PRKCB: variants seen among roughly 807,000 people sequenced by gnomAD.
The protein encoded by PRKCB is protein kinase C beta.
In PRKCB, 13 loss-of-function variants were observed where a neutral mutation model predicts 81.5. The ratio of observed to expected loss-of-function variants is 0.16; its 90% confidence interval spans 0.10 to 0.25. The LOEUF (loss-of-function observed/expected upper bound fraction) is 0.25, where lower values mean the gene tolerates loss of function less well. Among genes scored for constraint, PRKCB ranks in the 10% least tolerant of loss-of-function variants. The pLI, the probability that PRKCB is intolerant of heterozygous loss-of-function variation, is 1.00. For synonymous variants in PRKCB, 335 were observed against 321.4 expected, an observed-to-expected ratio of 1.04 and a Z score of -0.45; for missense variants, 509 against 875.7, an observed-to-expected ratio of 0.58 and a Z score of 5.29.
chr16:24,082,140 T>G (rs1000076987), intron 5 of PRKCB, among the ~76,000 whole-genome samples: 21 of 152,146 alleles, frequency 1.4e-4, no homozygotes, highest in African/African-American at 5.1e-4. Flanking sequence ...AGGAAATATT[T>G]AGGTATAAAT....
chr16:24,144,504 T>C (rs1966959375), intron 9 of PRKCB, among the ~76,000 whole-genome samples: 1 of 152,220 alleles, frequency 6.6e-6, no homozygotes, highest in Admixed American at 6.5e-5. Flanking sequence ...TTTCACCATG[T>C]TGGCCAGGCT....
intron 3 of PRKCB, among the ~76,000 whole-genome samples, chr16:23,990,495 T>C (rs908881106): frequency 2.7e-5 from 4 of 149,620 alleles, no homozygotes; most frequent in African/African-American, 5.0e-5. Flanking sequence ...TTTTTTTTTT[T>C]CTTTTTTTTT....
chr16:24,093,138 A>C (rs890180397), intron 6 of PRKCB, among the ~76,000 whole-genome samples, 191 bp downstream of exon 6: 1 of 152,164 alleles, frequency 6.6e-6, no homozygotes, highest in African/African-American at 2.4e-5. Context: ...TTGTGAGCCA[A>C]GAAAAAAAAT....
At position 24,219,101 on chromosome 16, in the gene PRKCB, T is replaced by C. The variant is rs1465159355; in HGVS notation, c.*4285T>C. 1 of 985,312 alleles carries C rather than the reference T, an allele frequency of 1.0e-6. No homozygotes were observed. The highest frequency in any genetic ancestry group is 1.7e-5 in the African/African-American group (1 of 57,232). The allele number at this position is 985,312 out of a possible 1,614,324, so 61.0% of individuals were successfully genotyped here. On this transcript the variant is annotated 3_prime_UTR_variant, in exon 17 of 17. Coordinates refer to ENST00000643927, the MANE Select transcript of PRKCB (RefSeq NM_002738.7). ...GAGGTCGGAGCATCATACAGATTCC[T>C]TTATTAGCCCACATTCTGATGTTCC...
At chr16:24,131,401 G>A (rs1966853195) in intron 9 of PRKCB, among the ~76,000 whole-genome samples, 2 of 152,222 alleles carry the variant, frequency 1.3e-5, no homozygotes, top group Non-Finnish European at 2.9e-5. Flanking sequence ...GGGTCTGGTG[G>A]TGGCCCCTTC....
intron 2 of PRKCB, among the ~76,000 whole-genome samples, chr16:23,862,485 G>T (rs1962686257): frequency 1.3e-5 from 2 of 152,218 alleles, no homozygotes; most frequent in Admixed American, 1.3e-4. Context: ...TTAGCTGACA[G>T]CAGCTTGCGT....
At chr16:24,187,470 C>T (rs147476566) in intron 15 of PRKCB, among the ~76,000 whole-genome samples, 151 of 152,288 alleles carry the variant, frequency 9.9e-4, no homozygotes, top group African/African-American at 3.5e-3. Flanking sequence ...GGCTGGCACT[C>T]TGCTCCAAGC....
intron 2 of PRKCB, among the ~76,000 whole-genome samples, chr16:23,864,926 A>G (rs935515688): frequency 6.6e-6 from 1 of 151,908 alleles, no homozygotes; most frequent in Non-Finnish European, 1.5e-5. Context: ...GGTTGTTTCC[A>G]TCTTTATGCC....
In PRKCB at chr16:24,124,000, G is replaced by C. The variant is rs777457442; in HGVS notation, c.1065+19G>C. The C allele has an allele frequency of 6.2e-7, 1 of 1,613,444 alleles. No homozygotes were observed. Among genetic ancestry groups the C allele is most frequent in the Non-Finnish European group, 8.5e-7 (1 of 1,179,614 alleles). Reference sequence around the variant, plus strand: ...TGGCAAGGTATGGTATGATTTGGTGGCTCCACCTGCTTTGGAAGGAACATC... The same window carrying C: ...TGGCAAGGTATGGTATGATTTGGTGCCTCCACCTGCTTTGGAAGGAACATC... On this transcript the variant is annotated intron_variant, in intron 9 of 16. Coordinates refer to ENST00000643927, the MANE Select transcript of PRKCB (RefSeq NM_002738.7).
intron 16 of PRKCB, among the ~76,000 whole-genome samples, chr16:24,204,193 A>T (rs566336751): frequency 1.1e-4 from 16 of 152,114 alleles, no homozygotes; most frequent in Non-Finnish European, 2.1e-4. Context: ...GCCACACCCT[A>T]CAAGAAACTT....
intron 16 of PRKCB, among the ~76,000 whole-genome samples, chr16:24,194,172 C>CA (rs1463301277): frequency 6.6e-6 from 1 of 151,936 alleles, no homozygotes; most frequent in Non-Finnish European, 1.5e-5. Context: ...ACTAAAAATA[C>CA]AAAAATTAGC....
chr16:23,836,937 C>G (rs1962172593), intron 1 of PRKCB, among the ~76,000 whole-genome samples: 1 of 152,054 alleles, frequency 6.6e-6, no homozygotes, highest in Non-Finnish European at 1.5e-5. Context: ...GGGCCCCTTT[C>G]TTCCCCAGTC....
intron 2 of PRKCB, among the ~76,000 whole-genome samples, chr16:23,848,633 T>C (rs1386499098): frequency 6.6e-6 from 1 of 152,152 alleles, no homozygotes; most frequent in African/African-American, 2.4e-5. Context: ...ACCCAGTGGG[T>C]ACGTGTTTAT....
chr16:24,032,479 G>T (rs980972498), intron 4 of PRKCB, among the ~76,000 whole-genome samples: 13 of 152,314 alleles, frequency 8.5e-5, no homozygotes, highest in African/African-American at 3.1e-4. Context: ...TTGAATCTGG[G>T]CTGGCCTCAG....
intron 2 of PRKCB, among the ~76,000 whole-genome samples, chr16:23,896,269 C>T (rs1440593032): frequency 6.6e-6 from 1 of 152,286 alleles, no homozygotes; most frequent in South Asian, 2.1e-4. Flanking sequence ...ATGTGACTCT[C>T]AAACTTACTT....
chr16:23,892,105 T>C (rs961110265), intron 2 of PRKCB, among the ~76,000 whole-genome samples: 3 of 151,434 alleles, frequency 2.0e-5, no homozygotes, highest in African/African-American at 7.3e-5. Context: ...TGTTAATAAG[T>C]GGCACGATTC....
chr16:24,075,081 G>A lies in PRKCB; in HGVS notation c.530-17710G>A, dbSNP rs74660825. On this transcript the variant is annotated intron_variant, in intron 5 of 16. Coordinates refer to ENST00000643927, the MANE Select transcript of PRKCB (RefSeq NM_002738.7). ...CTACAGTGAGTCATGATTGCACCAC[G>A]CACTCTAGCCTGGGTGACAGAACAA... Among the ~76,000 whole-genome samples, 1,264 of 147,144 alleles carry A rather than the reference G, an allele frequency of 8.6e-3. 10 individuals carry two copies. Among genetic ancestry groups the A allele is most frequent in the Non-Finnish European group, 0.014 (921 of 67,482 alleles).
chr16:24,162,150 G>A (rs558423253), intron 10 of PRKCB, among the ~76,000 whole-genome samples: 11 of 152,234 alleles, frequency 7.2e-5, no homozygotes, highest in South Asian at 2.1e-4. Context: ...TGGGAGGAAC[G>A]TCAATTCAGA....
intron 5 of PRKCB, among the ~76,000 whole-genome samples, chr16:24,036,853 C>T (rs185112436): frequency 1.3e-5 from 2 of 152,240 alleles, no homozygotes; most frequent in East Asian, 1.9e-4. Flanking sequence ...ACTCTGCTTC[C>T]CTCTGGTGTC....
Sources: allele counts gnomAD v4.1 joint callset (sites outside exome capture counted in the v4.1 genomes callset), GRCh38; gene constraint gnomAD v4.1.1; transcripts MANE v1.5; gene names NCBI Gene and HGNC (gene_info 2026-07-23, HGNC 2026-07-21).